Variants in ATG14 observed in about 807,000 individuals in gnomAD.
The protein encoded by ATG14 is beclin 1-associated autophagy-related key regulator.
A neutral mutation model predicts 60.4 loss-of-function variants in ATG14; 35 were observed. The ratio of observed to expected loss-of-function variants is 0.58; its 90% CI spans 0.44 to 0.77. The LOEUF (loss-of-function observed/expected upper bound fraction) is 0.77. Ranked by LOEUF, ATG14 falls within the 30% of genes least tolerant of loss-of-function variation. The pLI is 0.00. For missense variants in ATG14, 647 were observed against 626.3 expected (o/e 1.03, Z -0.35); for synonymous variants, 234 against 228.8 (o/e 1.02, Z -0.21).
At position 55,382,045 on chromosome 14, in the gene ATG14, C is replaced by T; in HGVS notation, c.794G>A (p.Gly265Glu). Residue 265 changes from glycine (G) to glutamate (E), a missense_variant, in exon 6 of 10, where the codon GGG becomes GAG. Coordinates refer to ENST00000247178, the MANE Select transcript of ATG14 (RefSeq NM_014924.5). ...ATTGTTAGGGAGGCTAATCCAAGGC[C>T]CTGTAATGCTAATGCTGGTGTCTCC... ...HNGDTSISITGPWISLPNNGD... is the reference protein window; with the variant it reads ...HNGDTSISITEPWISLPNNGD... The T allele has an allele frequency of 6.2e-7, 1 of 1,614,100 alleles. No individual in the cohort carries two copies. Among genetic ancestry groups the T allele is most frequent in the East Asian group, 2.2e-5 (1 of 44,878 alleles).
intron 9 of ATG14, among the ~76,000 whole-genome samples, chr14:55,372,875 C>T (rs900035703): frequency 6.6e-6 from 1 of 152,134 alleles, no homozygotes; most frequent in African/African-American, 2.4e-5. Flanking sequence ...CGTGGAGAAA[C>T]CCACCTGGCA....
intron 1 of ATG14, among the ~76,000 whole-genome samples, chr14:55,398,164 G>A (rs1047036616): frequency 6.6e-6 from 1 of 152,004 alleles, no homozygotes; most frequent in Non-Finnish European, 1.5e-5. Flanking sequence ...TGTTAGCAAG[G>A]ATGGTCTCGA....
At chr14:55,371,139 G>C (rs1306839047) in intron 9 of ATG14, among the ~76,000 whole-genome samples, 1 of 152,152 alleles carries the variant, frequency 6.6e-6, no homozygotes, top group Non-Finnish European at 1.5e-5. Flanking sequence ...ACGATGCCTT[G>C]GTTCATTTAA....
At chr14:55,379,961 A>G (rs1434194207) in intron 7 of ATG14, among the ~76,000 whole-genome samples, 1 of 152,170 alleles carries the variant, frequency 6.6e-6, no homozygotes, top group Non-Finnish European at 1.5e-5. Flanking sequence ...AACAAAAAGA[A>G]TTCAGGGCAG....
intron 1 of ATG14, among the ~76,000 whole-genome samples, chr14:55,406,227 C>G (rs1198087877): frequency 6.6e-6 from 1 of 151,860 alleles, no homozygotes; most frequent in African/African-American, 2.4e-5. Context: ...TTAATGAAAC[C>G]TGAAAAAAAT....
At chr14:55,380,303 A>C (rs1885004029) in intron 7 of ATG14, among the ~76,000 whole-genome samples, 1 of 152,126 alleles carries the variant, frequency 6.6e-6, no homozygotes, top group South Asian at 2.1e-4. Flanking sequence ...CTGCGATTTA[A>C]CATATGAGGA....
At chr14:55,375,581 T>C (rs1310142344) in intron 9 of ATG14, among the ~76,000 whole-genome samples, 8 of 148,776 alleles carry the variant, frequency 5.4e-5, no homozygotes, top group African/African-American at 2.0e-4. Flanking sequence ...TGGGCTCAAG[T>C]GATCCTCCCA....
At chr14:55,411,221 A>G (rs1885566126) in intron 1 of ATG14, among the ~76,000 whole-genome samples, 1 of 152,238 alleles carries the variant, frequency 6.6e-6, no homozygotes. Flanking sequence ...ATGAGTATAA[A>G]TATGCTTTCG....
chr14:55,403,728 C>T (rs1044059739), intron 1 of ATG14, among the ~76,000 whole-genome samples: 3 of 152,038 alleles, frequency 2.0e-5, no homozygotes, highest in African/African-American at 7.2e-5. Context: ...ATTGTGTGAT[C>T]CCACTTTGGC....
chr14:55,393,341 C>T (rs764146665), intron 3 of ATG14, among the ~76,000 whole-genome samples: 89 of 151,226 alleles, frequency 5.9e-4, no homozygotes, highest in Non-Finnish European at 1.1e-3. Flanking sequence ...GCCGAGATCG[C>T]GCCACTGCAC....
At position 55,369,866 on chromosome 14, in the gene ATG14, C is replaced by T; in HGVS notation, c.1232G>A (p.Gly411Glu). The change falls in exon 10 of 10, where the codon GGA (glycine) becomes GAA (glutamate). Residue 411 changes from glycine to glutamate, a missense_variant. Transcript: ENST00000247178. Reference sequence around the variant, plus strand: ...GCTCTCATCTGATTCTCCAGCAACTCCGGGATCCACAAATTCCATGGACTC... The same window carrying T: ...GCTCTCATCTGATTCTCCAGCAACTTCGGGATCCACAAATTCCATGGACTC... The part of the protein sequence containing the change: ...LEESMEFVDP[G>E]VAGESDESGD... 6.2e-7 allele frequency: 1 copy of T among 1,614,176 alleles called. No individual in the cohort carries two copies. The highest frequency in any genetic ancestry group is 8.5e-7 in the Non-Finnish European group (1 of 1,180,008).
In ATG14 at chr14:55,411,723, C is replaced by T. The variant is rs1317464052; in HGVS notation, c.100G>A (p.Glu34Lys). The T allele has an allele frequency of 1.2e-6, 2 of 1,612,182 alleles. No homozygotes were observed. The highest frequency in any genetic ancestry group is 1.7e-6 in the Non-Finnish European group (2 of 1,179,426). The change falls in exon 1 of 10, where the codon GAG (glutamate) becomes AAG (lysine). Residue 34 changes from glutamate (E) to lysine (K), a missense_variant. Transcript: ENST00000247178. Reference sequence around the variant, plus strand: ...CGCTCCACAGCCACGTACAGCCCCTCCGCATCGTCCACGGAGTCCACCAGG... The same window carrying T: ...CGCTCCACAGCCACGTACAGCCCCTTCGCATCGTCCACGGAGTCCACCAGG... ...RDLVDSVDDAEGLYVAVERCP... is the reference protein window; with the variant it reads ...RDLVDSVDDAKGLYVAVERCP...
rs1487781749 is a variant in ATG14 at position 55,369,715 on chromosome 14, CG to C, written c.1382del (p.Ala461GlyfsTer13). 1.2e-6 allele frequency: 2 copies of C among 1,611,294 alleles called. No individual in the cohort carries two copies. Among genetic ancestry groups the C allele is most frequent in the Admixed American group, 1.7e-5 (1 of 59,870 alleles). The part of the protein sequence containing the change: ...VEVSQSQSTQ[A>X]SPPIASSSAG... Reference sequence around the variant, plus strand: ...CACTGCTGCTCGCGATGGGTGGGGACGCCTGGGTGCTCTGACTCTGGGAGAC... The same window carrying C: ...CACTGCTGCTCGCGATGGGTGGGGACCCTGGGTGCTCTGACTCTGGGAGAC... On this transcript the variant is annotated frameshift_variant, in exon 10 of 10. Coordinates refer to ENST00000247178, the MANE Select transcript of ATG14 (RefSeq NM_014924.5). LOFTEE classifies it high-confidence loss of function.
chr14:55,383,597 C>A (rs10147254), intron 5 of ATG14, among the ~76,000 whole-genome samples: 46,356 of 148,564 alleles, frequency 0.31, 7,371 homozygotes, highest in Non-Finnish European at 0.34. Flanking sequence ...ACAAAAAAAA[C>A]CCCCAAGAAC....
intron 3 of ATG14, chr14:55,395,286 G>A (rs975357515): frequency 3.0e-5 from 9 of 296,614 alleles, no homozygotes; most frequent in African/African-American, 2.0e-4. Context: ...AGTGCATCTA[G>A]AGCCTCAGCA....
chr14:55,369,776 G>T lies in ATG14; in HGVS notation c.1322C>A (p.Pro441His). The stretch of plus-strand genomic sequence containing the variant: ...CTGGGAAGGGATATCACAAAACCGG[G>T]GACTAGGCAAGTTCTCCCAGTCTGT... ...LGTDWENLPS[P>H]RFCDIPSQSV... The change falls in exon 10 of 10, where the codon CCC (proline) becomes CAC (histidine). Residue 441 changes from proline (P) to histidine (H), a missense_variant. By Grantham distance (77) the Pro-to-His change is moderately conservative (BLOSUM62 -2). Transcript: ENST00000247178. The T allele has an allele frequency of 6.2e-7, 1 of 1,614,144 alleles. No homozygotes were observed. Among genetic ancestry groups the T allele is most frequent in the Non-Finnish European group, 8.5e-7 (1 of 1,180,030 alleles).
intron 2 of ATG14, 104 bp from the exon 3 acceptor site, chr14:55,396,086 T>C (rs1594783012): frequency 1.2e-6 from 1 of 804,926 alleles, no homozygotes; most frequent in Middle Eastern, 3.2e-4. Flanking sequence ...TAGAAATGGC[T>C]AGAAATATCA....
At chr14:55,372,541 C>T (rs909807157) in intron 9 of ATG14, among the ~76,000 whole-genome samples, 2 of 151,870 alleles carry the variant, frequency 1.3e-5, no homozygotes, top group Admixed American at 1.3e-4. Context: ...CTCCTCCCTT[C>T]CTTCTTTCCC....
At chr14:55,377,432 C>T (rs1594776872) in intron 9 of ATG14, among the ~76,000 whole-genome samples, 1 of 152,074 alleles carries the variant, frequency 6.6e-6, no homozygotes, top group Middle Eastern at 3.4e-3. Flanking sequence ...AGGGCAGACA[C>T]TAGGTAGGGC....
Sources: allele counts gnomAD v4.1 joint callset (sites outside exome capture counted in the v4.1 genomes callset), GRCh38; gene constraint gnomAD v4.1.1; transcripts MANE v1.5; gene names NCBI Gene and HGNC (gene_info 2026-07-23, HGNC 2026-07-21).